FZD6: variants seen among roughly 807,000 people sequenced by gnomAD.
The protein encoded by FZD6 is frizzled-6.
A neutral mutation model predicts 61.4 loss-of-function variants in FZD6; 49 were observed. The observed-to-expected ratio is 0.80, with a 90% confidence interval of 0.63 to 1.01. The LOEUF is 1.01. Among genes scored for constraint, FZD6 ranks in the 50% least tolerant of loss-of-function variants. The pLI, the probability that FZD6 is intolerant of heterozygous loss-of-function variation, is 0.00. For synonymous variants in FZD6, 265 were observed against 292.2 expected, an observed-to-expected ratio of 0.91 and a Z score of 0.95; for missense variants, 724 against 848.2, an observed-to-expected ratio of 0.85 and a Z score of 1.82.
At chr8:103,307,623 A>C in intron 2 of FZD6, 1 of 394,806 alleles carries the variant, frequency 2.5e-6, no homozygotes, top group South Asian at 1.8e-5. Context: ...TTATTTTAAT[A>C]TTATTTTGCC....
chr8:103,301,766 G>A (rs903266928), intron 2 of FZD6, among the ~76,000 whole-genome samples: 1 of 152,102 alleles, frequency 6.6e-6, no homozygotes, highest in African/African-American at 2.4e-5. Context: ...CTAGACTCAA[G>A]AGAGATGCAT....
intron 4 of FZD6, 26 bp downstream of exon 4, chr8:103,325,524 C>G: frequency 6.6e-7 from 1 of 1,513,534 alleles, no homozygotes; most frequent in Non-Finnish European, 9.2e-7. Flanking sequence ...TGGATTATGT[C>G]TCTATTTACA....
In FZD6 at chr8:103,329,985, C is replaced by T. The variant is rs1815076539; in HGVS notation, c.1872C>T (p.Ser624=). 1 of 1,613,916 alleles carries T rather than the reference C, an allele frequency of 6.2e-7. No individual in the cohort carries two copies. ...GTGAACCTGCCTCGCCAGCAGCATCCATCTCCAGACTCTCTGGGGAACAGG... is the reference window on the plus strand; with the variant it reads ...GTGAACCTGCCTCGCCAGCAGCATCTATCTCCAGACTCTCTGGGGAACAGG... The part of the protein sequence containing the change: ...DCGEPASPAA[S]ISRLSGEQVD... Residue 624 remains serine (S), a synonymous_variant, in exon 6 of 7, where the codon TCC becomes TCT. Coordinates refer to ENST00000358755, the MANE Select transcript of FZD6 (RefSeq NM_003506.4).
chr8:103,332,124 C>A lies in FZD6; in HGVS notation c.*615C>A, dbSNP rs1198627181. On this transcript the variant is annotated 3_prime_UTR_variant, in exon 7 of 7. Transcript: ENST00000358755. The stretch of plus-strand genomic sequence containing the variant: ...AACCCACTTATTGATACCTTACCAT[C>A]TAAAATGTGTGATTTTTATAGTCTC... 2.6e-5 allele frequency: 4 copies of A among 152,732 alleles called. No homozygotes were observed. In the East Asian group the frequency reaches 7.7e-4, roughly 29 times the overall value. 9.5% of individuals were successfully genotyped at this position (152,732 alleles called of 1,614,324 possible). A position where few individuals can be genotyped will look rare whatever the true frequency, so the allele number is the denominator to read the frequency against.
chr8:103,301,386 C>A (rs1814166749), intron 2 of FZD6, among the ~76,000 whole-genome samples: 1 of 151,996 alleles, frequency 6.6e-6, no homozygotes, highest in Admixed American at 6.6e-5. Context: ...TGAATCAGAA[C>A]CATTTTGATG....
At chr8:103,309,158 T>C (rs1485339958) in intron 2 of FZD6, among the ~76,000 whole-genome samples, 1 of 152,146 alleles carries the variant, frequency 6.6e-6, no homozygotes, top group African/African-American at 2.4e-5. Flanking sequence ...CCTGAATCAA[T>C]AGGTCTGGGA....
chr8:103,332,154 T>G lies in FZD6; in HGVS notation c.*645T>G, dbSNP rs538405054. On this transcript the variant is annotated 3_prime_UTR_variant, in exon 7 of 7. Transcript: ENST00000358755. ...ATGTGTGATTTTTATAGTCTCGTTT[T>G]AGGAATTTCACAGATCTAAATTATG... 1 of 153,004 alleles carries G rather than the reference T, an allele frequency of 6.5e-6. No individual in the cohort carries two copies. Among genetic ancestry groups the G allele is most frequent in the East Asian group, 1.9e-4 (1 of 5,196 alleles). 9.5% of individuals were successfully genotyped at this position (153,004 alleles called of 1,614,324 possible).
intron 2 of FZD6, among the ~76,000 whole-genome samples, chr8:103,316,322 GCTCCTTTCCCTTGGAGAC>G (rs915065467): frequency 1.3e-5 from 2 of 151,958 alleles, no homozygotes; most frequent in African/African-American, 4.8e-5. Context: ...CTCAATCCCC[GCTCCTTTCCCTTGGAGAC>G]CTTTCTTCTT....
At chr8:103,326,690 G>A (rs774390231) in intron 4 of FZD6, among the ~76,000 whole-genome samples, 16 of 115,892 alleles carry the variant, frequency 1.4e-4, no homozygotes, top group Non-Finnish European at 2.7e-4. Flanking sequence ...AAGATTCTGC[G>A]TGACAAAAAA....
rs1459882979 is a variant in FZD6, at chr8:103,325,037, G to A, written c.931G>A (p.Ala311Thr). 1 of 1,614,162 alleles carries A rather than the reference G, an allele frequency of 6.2e-7. No individual in the cohort carries two copies. Among genetic ancestry groups the A allele is most frequent in the Non-Finnish European group, 8.5e-7 (1 of 1,179,986 alleles). The stretch of plus-strand genomic sequence containing the variant: ...TCTTACCATTACTTGGTTCTTAGCT[G>A]CAGGAAGAAAATGGAGTTGTGAAGC... ...VILTITWFLA[A>T]GRKWSCEAIE... The change falls in exon 4 of 7, where the codon GCA becomes ACA. Residue 311 changes from alanine (A) to threonine (T), a missense_variant. Physicochemically the swap from Ala to Thr is moderately conservative, Grantham distance 58. Coordinates refer to ENST00000358755, the MANE Select transcript of FZD6 (RefSeq NM_003506.4).
In FZD6 at chr8:103,312,126, C is replaced by T. The variant is rs1367674906; in HGVS notation, c.178-6464C>T. Among the ~76,000 whole-genome samples the T allele has an allele frequency of 8.5e-5, 13 of 152,260 alleles. No individual in the cohort carries two copies. In the East Asian group the frequency reaches 2.3e-3, roughly 27 times the overall value. ...GAGATGTGAATTGCCTTCTCACTTG[C>T]CCTCTTCTTTCTCATCTCTGCCAGT... is the stretch of plus-strand genomic sequence containing the variant. On this transcript the variant is annotated intron_variant, in intron 2 of 6. Transcript: ENST00000358755.
intron 2 of FZD6, among the ~76,000 whole-genome samples, chr8:103,302,373 A>G (rs1814197210): frequency 6.6e-6 from 1 of 152,198 alleles, no homozygotes; most frequent in Admixed American, 6.5e-5. Context: ...TTTTTATGAC[A>G]TTAACCCCTT....
intron 3 of FZD6, among the ~76,000 whole-genome samples, chr8:103,322,372 TAAAA>T (rs11423905): frequency 3.2e-5 from 4 of 124,612 alleles, no homozygotes; most frequent in African/African-American, 6.0e-5. Context: ...CAGTCTCCAT[TAAAA>T]AAAAAAAAAA....
In FZD6 at chr8:103,331,772, C is replaced by T; in HGVS notation, c.*263C>T. 2.6e-6 allele frequency: 1 copy of T among 385,634 alleles called. No individual in the cohort carries two copies. 23.9% of individuals were successfully genotyped at this position (385,634 alleles called of 1,614,324 possible). A position where few individuals can be genotyped will look rare whatever the true frequency, so the allele number is the denominator to read the frequency against. ...GGGAGGACAGAGTTAGAGGAATCTT[C>T]CTTTTCTATTTATGAAGATTCTACT... is the stretch of plus-strand genomic sequence containing the variant. On this transcript the variant is annotated 3_prime_UTR_variant, in exon 7 of 7. Transcript: ENST00000358755.
intron 2 of FZD6, among the ~76,000 whole-genome samples, chr8:103,317,832 A>C (rs1482231102): frequency 1.6e-5 from 2 of 123,028 alleles, no homozygotes; most frequent in African/African-American, 6.1e-5. Flanking sequence ...TCTCAAAAAA[A>C]AAAAAAAAAG....
intron 2 of FZD6, among the ~76,000 whole-genome samples, chr8:103,313,846 G>A (rs80185034): frequency 0.016 from 2,404 of 151,598 alleles, 65 homozygotes; most frequent in African/African-American, 0.056. Context: ...AGATTAAAGT[G>A]CCAAAATCTA....
chr8:103,331,082 C>T (rs1275886193), intron 6 of FZD6, among the ~76,000 whole-genome samples: 2 of 152,074 alleles, frequency 1.3e-5, no homozygotes, highest in African/African-American at 4.8e-5. Flanking sequence ...GAGGCTGAGG[C>T]AGGAGAATCG....
At chr8:103,318,817 A>G (rs777456096) in intron 3 of FZD6, 31 bp downstream of exon 3, 13 of 1,270,086 alleles carry the variant, frequency 1.0e-5, no homozygotes, top group African/African-American at 2.9e-5. Context: ...AAAGCTACTA[A>G]TGGTATTTTA....
At chr8:103,302,991 A>G (rs1814215731) in intron 2 of FZD6, among the ~76,000 whole-genome samples, 1 of 152,174 alleles carries the variant, frequency 6.6e-6, no homozygotes, top group Non-Finnish European at 1.5e-5. Flanking sequence ...AAAACAAAGC[A>G]AAAGTTAACT....
Sources: allele counts gnomAD v4.1 joint callset (sites outside exome capture counted in the v4.1 genomes callset), GRCh38; gene constraint gnomAD v4.1.1; transcripts MANE v1.5; gene names NCBI Gene and HGNC (gene_info 2026-07-23, HGNC 2026-07-21).